Variants in PARN observed in about 807,000 individuals in gnomAD.
The protein encoded by PARN is poly(A)-specific ribonuclease PARN.
A neutral mutation model predicts 102.8 loss-of-function variants in PARN; 71 were observed. The observed-to-expected ratio is 0.69, with a 90% CI of 0.57 to 0.84. The LOEUF is 0.84. PARN is among the 40% of genes least tolerant of loss of function. The pLI, the probability that PARN is intolerant of heterozygous loss-of-function variation, is 0.00. For synonymous variants in PARN, 261 were observed against 252.9 expected, an observed-to-expected ratio of 1.03 and a Z score of -0.30; for missense variants, 782 against 760.9, an observed-to-expected ratio of 1.03 and a Z score of -0.33.
At chr16:14,536,824 A>T (rs1387700474) in intron 21 of PARN, among the ~76,000 whole-genome samples, 1 of 152,166 alleles carries the variant, frequency 6.6e-6, no homozygotes, top group Non-Finnish European at 1.5e-5. Context: ...TAAACATAAG[A>T]CTCAAAACTA....
intron 11 of PARN, among the ~76,000 whole-genome samples, chr16:14,600,293 A>G (rs977367905): frequency 1.3e-5 from 2 of 152,234 alleles, no homozygotes; most frequent in Non-Finnish European, 2.9e-5. Flanking sequence ...AAAAGTTGCC[A>G]CCTGCAGGCT....
intron 22 of PARN, among the ~76,000 whole-genome samples, chr16:14,451,398 A>G (rs1961439417): frequency 6.6e-6 from 1 of 152,216 alleles, no homozygotes; most frequent in Non-Finnish European, 1.5e-5. Context: ...CAGTGCATCA[A>G]CAGGAGAATG....
At chr16:14,465,773 C>T (rs1962307928) in intron 22 of PARN, among the ~76,000 whole-genome samples, 1 of 152,026 alleles carries the variant, frequency 6.6e-6, no homozygotes, top group African/African-American at 2.4e-5. Flanking sequence ...AAGGAAGCAA[C>T]CTGGAGTGGG....
At chr16:14,602,816 C>A (rs981440425) in intron 11 of PARN, among the ~76,000 whole-genome samples, 1 of 152,098 alleles carries the variant, frequency 6.6e-6, no homozygotes, top group East Asian at 1.9e-4. Context: ...CTCTCTGCCT[C>A]GCCCTCTCAG....
intron 18 of PARN, among the ~76,000 whole-genome samples, chr16:14,579,835 G>A (rs549854437): frequency 6.6e-6 from 1 of 152,024 alleles, no homozygotes; most frequent in Non-Finnish European, 1.5e-5. Flanking sequence ...GATTAGCCAG[G>A]TGTGGTGGTA....
chr16:14,517,789 G>A (rs1026878921), intron 21 of PARN, among the ~76,000 whole-genome samples: 6 of 151,968 alleles, frequency 3.9e-5, no homozygotes, highest in Non-Finnish European at 7.4e-5. Context: ...AGTGACTCTC[G>A]TACCTTGGCT....
intron 6 of PARN, among the ~76,000 whole-genome samples, chr16:14,614,749 G>A (rs1971764361): frequency 1.3e-5 from 2 of 149,294 alleles, no homozygotes; most frequent in South Asian, 2.1e-4. Context: ...TTGGGAGGGT[G>A]AGGCAGGAGA....
Position 14,572,052 on chromosome 16 carries a change from G to A in PARN, c.1262+8822C>T, listed in dbSNP as rs866922362. On this transcript the variant is annotated intron_variant, in intron 18 of 23. Coordinates refer to ENST00000437198, the MANE Select transcript of PARN (RefSeq NM_002582.4). ...TTAAAACTCATGTTTATGTTGGGAA[G>A]CTGGAAGTCCCATGGAGGAGGGAGG... is the stretch of plus-strand genomic sequence containing the variant. Among the ~76,000 whole-genome samples, 4 of 152,322 alleles carry A rather than the reference G, an allele frequency of 2.6e-5. No homozygotes were observed. The South Asian group carries it at 8.3e-4, about 32-fold the overall frequency.
rs116904843 is a variant in PARN, at chr16:14,592,492, A to T, written c.918+809T>A. On this transcript the variant is annotated intron_variant, in intron 13 of 23. Coordinates refer to ENST00000437198, the MANE Select transcript of PARN (RefSeq NM_002582.4). ...AGTAACGTGAGGCCACGCAAACCGT[A>T]TGGAGCAGAAGAGGGAGAGCCAGTA... is the stretch of plus-strand genomic sequence containing the variant. Among the ~76,000 whole-genome samples, 368 of 152,384 alleles carry T rather than the reference A, an allele frequency of 2.4e-3. 1 individual carries two copies. Among genetic ancestry groups the T allele is most frequent in the Admixed American group, 3.6e-3 (55 of 15,306 alleles).
intron 22 of PARN, among the ~76,000 whole-genome samples, chr16:14,453,552 T>C (rs1051126991): frequency 5.9e-5 from 9 of 152,204 alleles, no homozygotes; most frequent in African/African-American, 1.7e-4. Context: ...AATTGAGATA[T>C]AGAACAATAC....
chr16:14,536,141 A>G (rs1966597803), intron 21 of PARN, among the ~76,000 whole-genome samples: 7 of 152,240 alleles, frequency 4.6e-5, no homozygotes, highest in Admixed American at 4.6e-4. Flanking sequence ...TATTGGTAAC[A>G]TTTTTAGTTA....
At chr16:14,437,189 T>C (rs1476040386) in intron 23 of PARN, among the ~76,000 whole-genome samples, 1 of 152,096 alleles carries the variant, frequency 6.6e-6, no homozygotes, top group South Asian at 2.1e-4. Context: ...CAAGAACAGA[T>C]TGAGAGAAGT....
chr16:14,440,236 C>T (rs1960887188), intron 23 of PARN, among the ~76,000 whole-genome samples: 1 of 151,970 alleles, frequency 6.6e-6, no homozygotes, highest in East Asian at 1.9e-4. Context: ...GGCAAAAAAT[C>T]ACAGGAAAAG....
chr16:14,615,243 A>C (rs554415520), intron 6 of PARN, among the ~76,000 whole-genome samples: 1 of 151,890 alleles, frequency 6.6e-6, no homozygotes, highest in Non-Finnish European at 1.5e-5. Context: ...ATTCCAGGGC[A>C]TGACTATAAA....
At chr16:14,589,833 C>G (rs1431564324) in intron 13 of PARN, among the ~76,000 whole-genome samples, 1 of 151,900 alleles carries the variant, frequency 6.6e-6, no homozygotes, top group Non-Finnish European at 1.5e-5. Context: ...CACCACTGCA[C>G]TCCAGCCTAG....
intron 21 of PARN, among the ~76,000 whole-genome samples, chr16:14,525,403 T>A (rs1965944786): frequency 6.6e-6 from 1 of 152,186 alleles, no homozygotes; most frequent in Admixed American, 6.5e-5. Flanking sequence ...ACAACCCTTC[T>A]ATGATGGCAA....
chr16:14,560,623 A>G (rs1191365388), intron 18 of PARN, among the ~76,000 whole-genome samples: 3 of 152,236 alleles, frequency 2.0e-5, no homozygotes, highest in South Asian at 2.1e-4. Context: ...TTGTATGAGT[A>G]TATCACTGGC....
chr16:14,448,568 G>A lies in PARN; in HGVS notation c.1671-1487C>T, dbSNP rs142117808. On this transcript the variant is annotated intron_variant, in intron 22 of 23. Coordinates refer to ENST00000437198, the MANE Select transcript of PARN (RefSeq NM_002582.4). ...CTCCCAAAGTGCTGGGATTACAGGC[G>A]TGAGCCACCATGCCCAGCCAGGAAG... is the stretch of plus-strand genomic sequence containing the variant. 9.3e-4 allele frequency among the ~76,000 whole-genome samples: 141 copies of A among 152,320 alleles called. 3 individuals are homozygous for A. The East Asian group carries it at 0.022, about 24-fold the overall frequency.
chr16:14,452,478 T>C (rs1961508048), intron 22 of PARN, among the ~76,000 whole-genome samples: 1 of 152,198 alleles, frequency 6.6e-6, no homozygotes, highest in Non-Finnish European at 1.5e-5. Flanking sequence ...GTTCAAGTGA[T>C]TCTCATGCCT....
Sources: allele counts gnomAD v4.1 joint callset (sites outside exome capture counted in the v4.1 genomes callset), GRCh38; gene constraint gnomAD v4.1.1; transcripts MANE v1.5; gene names NCBI Gene and HGNC (gene_info 2026-07-23, HGNC 2026-07-21).